Variants in PRPF38A observed in about 807,000 individuals in gnomAD.
PRPF38A encodes pre-mRNA processing factor 38A.
PRPF38A carries 11 observed loss-of-function variants against 46.8 expected under a neutral mutation model. The ratio of observed to expected loss-of-function variants is 0.24; its 90% CI spans 0.15 to 0.39. The LOEUF (loss-of-function observed/expected upper bound fraction) is 0.39, where lower values mean the gene tolerates loss of function less well. PRPF38A is among the 10% of genes least tolerant of loss of function. PRPF38A has a pLI of 1.00. For missense variants in PRPF38A, 261 were observed against 407.5 expected (o/e 0.64, Z 3.10); for synonymous variants, 124 against 136.2 (o/e 0.91, Z 0.62).
chr1:52,410,265 G>C (rs1447370679), intron 3 of PRPF38A, among the ~76,000 whole-genome samples: 1 of 148,432 alleles, frequency 6.7e-6, no homozygotes, highest in African/African-American at 2.4e-5. Flanking sequence ...TTGCACCACT[G>C]CACTCCAGCC....
Position 52,418,234 on chromosome 1 carries a change from G to A in PRPF38A, c.*1544G>A, listed in dbSNP as rs1304179857. On this transcript the variant is annotated 3_prime_UTR_variant, in exon 10 of 10. Transcript: ENST00000257181. ...TTTCGTAATACCTGAGTTAATAAAA[G>A]TGGTCTGAAAGAGCTCTTACGGTTT... is the stretch of plus-strand genomic sequence containing the variant. 1.3e-5 allele frequency: 2 copies of A among 152,520 alleles called. No individual in the cohort carries two copies. Among genetic ancestry groups the A allele is most frequent in the African/African-American group, 2.4e-5 (1 of 41,426 alleles). 9.4% of individuals were successfully genotyped at this position (152,520 alleles called of 1,614,324 possible).
In PRPF38A at chr1:52,404,646, A is replaced by C. The variant is rs980043414; in HGVS notation, c.-104A>C. 3.8e-6 allele frequency: 5 copies of C among 1,316,846 alleles called. No individual in the cohort carries two copies. The highest frequency in any genetic ancestry group is 2.2e-5 in the Admixed American group (1 of 44,534). The allele number at this position is 1,316,846 out of a possible 1,614,324, so 81.6% of individuals were successfully genotyped here. ...TTCAAGATGGTCGCCTAAGCTGTTTAGTGAAACTTCTTCCACCTTTCTCCA... is the reference window on the plus strand; with the variant it reads ...TTCAAGATGGTCGCCTAAGCTGTTTCGTGAAACTTCTTCCACCTTTCTCCA... On this transcript the variant is annotated 5_prime_UTR_variant, in exon 1 of 10. Transcript: ENST00000257181.
intron 3 of PRPF38A, among the ~76,000 whole-genome samples, chr1:52,410,220 T>G (rs899482044): frequency 6.7e-5 from 10 of 148,432 alleles, no homozygotes; most frequent in Non-Finnish European, 1.5e-5. Context: ...CAGAATTGCT[T>G]GAACCCGGGA....
chr1:52,417,004 G>T lies in PRPF38A; in HGVS notation c.*314G>T. The stretch of plus-strand genomic sequence containing the variant: ...TGACCCTTTCCCTTTTTATTAAACC[G>T]GACACACCTGTTTCCCATTTCGCTG... On this transcript the variant is annotated 3_prime_UTR_variant, in exon 10 of 10. Coordinates refer to ENST00000257181, the MANE Select transcript of PRPF38A (RefSeq NM_032864.4). The T allele has an allele frequency of 3.5e-6, 1 of 284,426 alleles. No individual in the cohort carries two copies. The highest frequency in any genetic ancestry group is 6.7e-6 in the Non-Finnish European group (1 of 148,856). 17.6% of individuals were successfully genotyped at this position (284,426 alleles called of 1,614,324 possible).
chr1:52,405,921 C>A, intron 2 of PRPF38A, 82 bp downstream of exon 2: 1 of 1,109,136 alleles, frequency 9.0e-7, no homozygotes, highest in Non-Finnish European at 1.3e-6. Flanking sequence ...GGGGTGTACA[C>A]AATGTATCTC....
intron 5 of PRPF38A, among the ~76,000 whole-genome samples, chr1:52,413,006 A>C (rs991355224): frequency 2.6e-5 from 4 of 152,180 alleles, no homozygotes; most frequent in African/African-American, 9.7e-5. Flanking sequence ...TCTCAAAAAA[A>C]ATTTTTTTTC....
Position 52,412,771 on chromosome 1 carries a change from G to C in PRPF38A, c.609+147G>C, listed in dbSNP as rs151003343. The C allele has an allele frequency of 2.0e-3, 1,160 of 571,224 alleles. 13 individuals are homozygous for C. Among genetic ancestry groups the C allele is most frequent in the African/African-American group, 0.019 (1,008 of 52,982 alleles). The allele number at this position is 571,224 out of a possible 1,614,324, so 35.4% of individuals were successfully genotyped here. On this transcript the variant is annotated intron_variant, in intron 5 of 9. Transcript: ENST00000257181. The stretch of plus-strand genomic sequence containing the variant: ...TCATAGCACTTTGGGAGGCCAAGGC[G>C]AGTGGATGACCAGCGGTCAGGAGTT...
In PRPF38A at chr1:52,416,697, C is replaced by T. The variant is rs370734491; in HGVS notation, c.*7C>T. 1 of 1,610,200 alleles carries T rather than the reference C, an allele frequency of 6.2e-7. No homozygotes were observed. Among genetic ancestry groups the T allele is most frequent in the Non-Finnish European group, 8.5e-7 (1 of 1,176,486 alleles). ...CCGGAGAGGGAATGAGTAATGGACT[C>T]AGTTTGGTTTTAGTCCACATGGCCT... On this transcript the variant is annotated 3_prime_UTR_variant, in exon 10 of 10. Transcript: ENST00000257181.
chr1:52,408,548 T>A (rs776322134), intron 2 of PRPF38A, 21 bp from the exon 3 acceptor site: 4 of 1,614,012 alleles, frequency 2.5e-6, no homozygotes, highest in Non-Finnish European at 1.7e-6. Flanking sequence ...GCCTGTTGTT[T>A]CACTGTCATC....
chr1:52,408,979 T>A (rs943545620), intron 3 of PRPF38A: 4 of 245,672 alleles, frequency 1.6e-5, no homozygotes, highest in Admixed American at 5.0e-5. Flanking sequence ...TCCCAAAAGA[T>A]CTAGCTGCAG....
At position 52,412,644 on chromosome 1, in the gene PRPF38A, T is replaced by C; in HGVS notation, c.609+20T>C. 6.7e-7 allele frequency: 1 copy of C among 1,494,228 alleles called. No homozygotes were observed. Among genetic ancestry groups the C allele is most frequent in the East Asian group, 2.3e-5 (1 of 44,300 alleles). 92.6% of individuals were successfully genotyped at this position (1,494,228 alleles called of 1,614,324 possible). Reference sequence around the variant, plus strand: ...GAGAAGGTCTGGCACCTGAGACTTTTATGGTTGTAGGGGAGGGAGTAATAG... The same window carrying C: ...GAGAAGGTCTGGCACCTGAGACTTTCATGGTTGTAGGGGAGGGAGTAATAG... On this transcript the variant is annotated intron_variant, in intron 5 of 9. Transcript: ENST00000257181.
rs2147960936 is a variant in PRPF38A at position 52,417,577 on chromosome 1, G to A, written c.*887G>A. 1 of 152,280 alleles carries A rather than the reference G, an allele frequency of 6.6e-6. No homozygotes were observed. Among genetic ancestry groups the A allele is most frequent in the South Asian group, 2.1e-4 (1 of 4,822 alleles). 9.4% of individuals were successfully genotyped at this position (152,280 alleles called of 1,614,324 possible). A position where few individuals can be genotyped will look rare whatever the true frequency, so the allele number is the denominator to read the frequency against. The stretch of plus-strand genomic sequence containing the variant: ...AGAGGATGGTGGTAGTAATGAAAAT[G>A]ATGCATTCAGTTTAACAAGTTTAAT... On this transcript the variant is annotated 3_prime_UTR_variant, in exon 10 of 10. Transcript: ENST00000257181.
At position 52,415,265 on chromosome 1, in the gene PRPF38A, TA is replaced by T. The variant is rs1648256381; in HGVS notation, c.848-72del. 2.7e-6 allele frequency: 4 copies of T among 1,463,224 alleles called. 1 individual carries two copies. The South Asian group carries it at 3.5e-5, about 13-fold the overall frequency. 90.6% of individuals were successfully genotyped at this position (1,463,224 alleles called of 1,614,324 possible). A position where few individuals can be genotyped will look rare whatever the true frequency, so the allele number is the denominator to read the frequency against. ...AGAATATTAAGCCAATGGCAGGTATTAGGGGAGGTGAGAATGACAGTTTAAT... is the reference window on the plus strand; with the variant it reads ...AGAATATTAAGCCAATGGCAGGTATTGGGGAGGTGAGAATGACAGTTTAAT... On this transcript the variant is annotated intron_variant, in intron 8 of 9. Transcript: ENST00000257181.
chr1:52,408,539 C>A (rs772702307), intron 2 of PRPF38A, 30 bp from the exon 3 acceptor site: 1 of 1,613,710 alleles, frequency 6.2e-7, no homozygotes, highest in Non-Finnish European at 8.5e-7. Context: ...TCTAGGATGG[C>A]CTGTTGTTTC....
At chr1:52,416,507 C>T (rs1051882914) in intron 9 of PRPF38A, 141 bp from the exon 10 acceptor site, 2 of 583,482 alleles carry the variant, frequency 3.4e-6, no homozygotes, top group Admixed American at 2.9e-5. Flanking sequence ...CAGGGTTTCA[C>T]CATGTTGGCC....
In PRPF38A at chr1:52,416,687, G is replaced by A; in HGVS notation, c.936G>A (p.Glu312=). ...KSHKKSRRGN[E] ...ACAAGAAGAGCCGGAGAGGGAATGA[G>A]TAATGGACTCAGTTTGGTTTTAGTC... The change falls in exon 10 of 10, where the codon GAG becomes GAA. Residue 312 remains glutamate, a synonymous_variant. Coordinates refer to ENST00000257181, the MANE Select transcript of PRPF38A (RefSeq NM_032864.4). 1 of 1,611,648 alleles carries A rather than the reference G, an allele frequency of 6.2e-7. No homozygotes were observed. The highest frequency in any genetic ancestry group is 8.5e-7 in the Non-Finnish European group (1 of 1,177,726).
Position 52,420,383 on chromosome 1 carries a change from ACTGT to A in PRPF38A, c.*3696_*3699del, listed in dbSNP as rs1648429572. The A allele has an allele frequency of 6.6e-6, 1 of 152,162 alleles. No individual in the cohort carries two copies. The allele number at this position is 152,162 out of a possible 1,614,324, so 9.4% of individuals were successfully genotyped here. On this transcript the variant is annotated 3_prime_UTR_variant, in exon 10 of 10. Coordinates refer to ENST00000257181, the MANE Select transcript of PRPF38A (RefSeq NM_032864.4). ...GATTATAAAGTCAAATATTATGAAC[ACTGT>A]CTATATAGAAATAACAAGTAGAGTG...
chr1:52,416,851 G>T lies in PRPF38A; in HGVS notation c.*161G>T, dbSNP rs74783812. 1,390 of 640,234 alleles carry T rather than the reference G, an allele frequency of 2.2e-3. 20 individuals carry two copies. The African/African-American group carries it at 0.023, about 11-fold the overall frequency. 39.7% of individuals were successfully genotyped at this position (640,234 alleles called of 1,614,324 possible). On this transcript the variant is annotated 3_prime_UTR_variant, in exon 10 of 10. Coordinates refer to ENST00000257181, the MANE Select transcript of PRPF38A (RefSeq NM_032864.4). ...TTTAATGAAGGAGGTGCTGAGTTTT[G>T]TATCTTTTTAATCATAATCAACATC...
At chr1:52,411,544 G>C (rs558611873) in intron 4 of PRPF38A, among the ~76,000 whole-genome samples, 1 of 152,230 alleles carries the variant, frequency 6.6e-6, no homozygotes, top group East Asian at 1.9e-4. Flanking sequence ...ATTTATTCAG[G>C]ATGTTACATC....
Sources: gnomAD v4.1 joint callset for allele counts (sites outside exome capture counted in the v4.1 genomes callset) on GRCh38, gnomAD v4.1.1 for gene constraint, MANE v1.5 for transcripts, NCBI Gene and HGNC (gene_info 2026-07-23, HGNC 2026-07-21) for gene names.